UNC13C: variants seen among roughly 807,000 people sequenced by gnomAD.
UNC13C encodes unc-13 homolog C, also known as protein unc-13 homolog C.
UNC13C carries 174 observed loss-of-function variants against 245.4 expected under a neutral mutation model. The observed-to-expected ratio is 0.71, with a 90% CI of 0.63 to 0.80. The LOEUF (loss-of-function observed/expected upper bound fraction) is 0.80. Ranked by LOEUF, UNC13C falls within the 30% of genes least tolerant of loss-of-function variation. The pLI is 0.00. For synonymous variants in UNC13C, 992 were observed against 895.1 expected, an observed-to-expected ratio of 1.11 and a Z score of -1.93; for missense variants, 2,829 against 2,602.9, an observed-to-expected ratio of 1.09 and a Z score of -1.89.
rs112927871 is a variant in UNC13C at position 54,448,345 on chromosome 15, T to C, written c.4933+33278T>C. ...GGATATCCTCATTAACTTTCTGTCT[T>C]GTTGATCTGTCTAATGTTGACTGTG... On this transcript the variant is annotated intron_variant, in intron 19 of 32. Transcript: ENST00000260323. 3.9e-3 allele frequency among the ~76,000 whole-genome samples: 595 copies of C among 152,226 alleles called. 3 individuals carry two copies. The highest frequency in any genetic ancestry group is 0.014 in the African/African-American group (563 of 41,550).
chr15:53,992,839 G>A (rs57648127), intron 1 of UNC13C, among the ~76,000 whole-genome samples: 2,837 of 152,106 alleles, frequency 0.019, 95 homozygotes, highest in African/African-American at 0.065. Context: ...TTTCTGTACT[G>A]CATCAAGAGG....
chr15:53,921,788 A>G, the UNC13C span, among the ~76,000 whole-genome samples: 1 of 152,282 alleles, frequency 6.6e-6, no homozygotes, highest in East Asian at 1.9e-4. Context: ...AGCACTTTAA[A>G]TTTTCTAAAG....
intron 4 of UNC13C, among the ~76,000 whole-genome samples, chr15:54,201,534 C>G (rs150374425): frequency 6.6e-6 from 1 of 151,686 alleles, no homozygotes; most frequent in Non-Finnish European, 1.5e-5. Flanking sequence ...AAATATGATA[C>G]GCCACATAAA....
chr15:54,196,086 A>G (rs1049321917), intron 4 of UNC13C, among the ~76,000 whole-genome samples: 3 of 152,150 alleles, frequency 2.0e-5, no homozygotes, highest in African/African-American at 7.2e-5. Context: ...ACCATGTGGG[A>G]AAGCTCTTTT....
chr15:54,003,147 GGA>G (rs945347638), intron 1 of UNC13C, among the ~76,000 whole-genome samples: 1 of 152,152 alleles, frequency 6.6e-6, no homozygotes, highest in African/African-American at 2.4e-5. Flanking sequence ...TTCAGCTAAA[GGA>G]GCTCTGCTTT....
At chr15:54,150,278 AAAC>A (rs2032457074) in intron 4 of UNC13C, among the ~76,000 whole-genome samples, 1 of 152,230 alleles carries the variant, frequency 6.6e-6, no homozygotes, top group African/African-American at 2.4e-5. Flanking sequence ...ATTACAGGAG[AAAC>A]AACCCTTGAC....
intron 2 of UNC13C, among the ~76,000 whole-genome samples, chr15:54,068,544 C>G (rs1039032678): frequency 6.6e-6 from 1 of 152,128 alleles, no homozygotes; most frequent in African/African-American, 2.4e-5. Flanking sequence ...ACAGAGACTG[C>G]AAGGTTGGCA....
intron 2 of UNC13C, among the ~76,000 whole-genome samples, chr15:54,085,886 C>A (rs2141126374): frequency 6.6e-6 from 1 of 150,680 alleles, no homozygotes; most frequent in African/African-American, 2.5e-5. Flanking sequence ...AAAAAACAAA[C>A]AATTATGAAA....
intron 24 of UNC13C, among the ~76,000 whole-genome samples, chr15:54,517,209 A>G (rs1007399073): frequency 1.3e-5 from 2 of 152,116 alleles, no homozygotes; most frequent in African/African-American, 4.8e-5. Context: ...GAATTAATCT[A>G]CTGTTCTCAT....
At chr15:54,138,119 T>A (rs1016637798) in intron 2 of UNC13C, among the ~76,000 whole-genome samples, 3 of 152,158 alleles carry the variant, frequency 2.0e-5, no homozygotes, top group African/African-American at 7.2e-5. Context: ...TGTTCTAAAA[T>A]TCTTCCTGTT....
intron 26 of UNC13C, among the ~76,000 whole-genome samples, chr15:54,543,467 G>A (rs1201617192): frequency 6.6e-6 from 1 of 151,882 alleles, no homozygotes. Flanking sequence ...AGGAGATAGA[G>A]AAATGAAAAA....
At chr15:54,495,237 A>C (rs1400554240) in intron 20 of UNC13C, among the ~76,000 whole-genome samples, 1 of 152,098 alleles carries the variant, frequency 6.6e-6, no homozygotes, top group Non-Finnish European at 1.5e-5. Flanking sequence ...GATATGTATT[A>C]GAATTCTGTT....
chr15:54,011,791 G>T (rs1895391196), intron 1 of UNC13C, among the ~76,000 whole-genome samples: 1 of 152,074 alleles, frequency 6.6e-6, no homozygotes, highest in South Asian at 2.1e-4. Context: ...TTGGCTCCTG[G>T]CCAGAACATG....
At chr15:54,205,846 C>G (rs1214336713) in intron 4 of UNC13C, among the ~76,000 whole-genome samples, 2 of 152,006 alleles carry the variant, frequency 1.3e-5, no homozygotes, top group African/African-American at 4.8e-5. Context: ...GTCTACAAAA[C>G]TGGTTACCTG....
Position 54,322,027 on chromosome 15 carries a change from G to A in UNC13C, c.4357G>A (p.Ala1453Thr). Residue 1453 changes from alanine to threonine, a missense_variant, in exon 14 of 33, where the codon GCT (alanine) becomes ACT (threonine). Coordinates refer to ENST00000260323, the MANE Select transcript of UNC13C (RefSeq NM_001080534.3). ...TLLANINAFY[A>T]HTTVSTNIQV... ...GCTGGCTAATATAAATGCTTTTTATGCTCACACAACAGTTTCAACAAACAT... is the reference window on the plus strand; with the variant it reads ...GCTGGCTAATATAAATGCTTTTTATACTCACACAACAGTTTCAACAAACAT... 1.3e-6 allele frequency: 2 copies of A among 1,590,950 alleles called. No homozygotes were observed. Among genetic ancestry groups the A allele is most frequent in the Non-Finnish European group, 1.7e-6 (2 of 1,167,388 alleles).
intron 17 of UNC13C, among the ~76,000 whole-genome samples, chr15:54,347,718 T>C (rs1270297209): frequency 6.6e-6 from 1 of 152,172 alleles, no homozygotes; most frequent in Non-Finnish European, 1.5e-5. Flanking sequence ...GTGGGAGTTG[T>C]ATGTAAAATC....
intron 2 of UNC13C, chr15:54,044,409 T>C (rs775330100): frequency 3.0e-5 from 10 of 328,494 alleles, no homozygotes; most frequent in Non-Finnish European, 5.6e-5. Context: ...GTTTTTATGA[T>C]AACATATATT....
intron 2 of UNC13C, among the ~76,000 whole-genome samples, chr15:54,035,515 C>T (rs1179177754): frequency 6.6e-6 from 1 of 152,110 alleles, no homozygotes; most frequent in Non-Finnish European, 1.5e-5. Flanking sequence ...CTGAGAGATC[C>T]TTCTGTATGG....
intron 10 of UNC13C, among the ~76,000 whole-genome samples, chr15:54,285,596 C>T (rs1596145970): frequency 6.6e-6 from 1 of 152,178 alleles, no homozygotes; most frequent in Non-Finnish European, 1.5e-5. Flanking sequence ...TGCTTTGCCT[C>T]GAGATGGCTC....
Sources: allele counts gnomAD v4.1 joint callset (sites outside exome capture counted in the v4.1 genomes callset), GRCh38; gene constraint gnomAD v4.1.1; transcripts MANE v1.5; gene names NCBI Gene and HGNC (gene_info 2026-07-23, HGNC 2026-07-21).